The following ACAP2 variants were observed in gnomAD, a reference collection of about 807,000 sequenced individuals.
ACAP2 encodes ArfGAP with coiled-coil, ankyrin repeat and PH domains 2.
A neutral mutation model predicts 115.8 loss-of-function variants in ACAP2; 39 were observed. The ratio of observed to expected loss-of-function variants is 0.34; its 90% CI spans 0.26 to 0.44. ACAP2 has a LOEUF of 0.44. Among genes scored for constraint, ACAP2 ranks in the 20% least tolerant of loss-of-function variants. ACAP2 has a pLI of 1.00. For synonymous variants in ACAP2, 289 were observed against 315.8 expected, an observed-to-expected ratio of 0.92 and a Z score of 0.90; for missense variants, 662 against 927.6, an observed-to-expected ratio of 0.71 and a Z score of 3.72.
At chr3:195,410,704 T>C (rs1713187485) in intron 1 of ACAP2, 3 of 153,296 alleles carry the variant, frequency 2.0e-5, no homozygotes, top group African/African-American at 7.2e-5. Flanking sequence ...TACAAGATAC[T>C]ACCTGCTATG....
At chr3:195,435,460 C>A (rs1404070532) in intron 1 of ACAP2, among the ~76,000 whole-genome samples, 1 of 152,058 alleles carries the variant, frequency 6.6e-6, no homozygotes, top group African/African-American at 2.4e-5. Flanking sequence ...GCCACTGCAC[C>A]CGGCCTCTTT....
intron 1 of ACAP2, among the ~76,000 whole-genome samples, chr3:195,430,797 C>A (rs1046227732): frequency 3.8e-4 from 58 of 151,922 alleles, no homozygotes; most frequent in African/African-American, 1.4e-3. Flanking sequence ...TAAGTCAAGG[C>A]GAAAGAAATA....
At chr3:195,307,808 C>A (rs1170370721) in intron 11 of ACAP2, among the ~76,000 whole-genome samples, 2 of 152,042 alleles carry the variant, frequency 1.3e-5, no homozygotes, top group East Asian at 3.8e-4. Context: ...AATTCAAAAC[C>A]AAGTTTATCA....
chr3:195,295,023 G>C (rs1727550793), intron 17 of ACAP2, among the ~76,000 whole-genome samples: 2 of 152,138 alleles, frequency 1.3e-5, no homozygotes, highest in Non-Finnish European at 2.9e-5. Flanking sequence ...TATTTTCAGA[G>C]TTTAACACAT....
intron 13 of ACAP2, among the ~76,000 whole-genome samples, chr3:195,302,746 A>G (rs1466141721): frequency 6.6e-6 from 1 of 152,190 alleles, no homozygotes; most frequent in African/African-American, 2.4e-5. Flanking sequence ...ACTTCAAGGG[A>G]TATTAGGTAA....
intron 17 of ACAP2, chr3:195,295,228 G>A (rs962237414): frequency 2.3e-6 from 3 of 1,291,294 alleles, no homozygotes; most frequent in Non-Finnish European, 3.0e-6. Flanking sequence ...ATCAAAGTAG[G>A]AGAAGAGTGA....
At chr3:195,360,881 A>T (rs1732313425) in intron 4 of ACAP2, among the ~76,000 whole-genome samples, 1 of 151,398 alleles carries the variant, frequency 6.6e-6, no homozygotes, top group Admixed American at 6.6e-5. Flanking sequence ...ATTTAAGAAC[A>T]TTTCATTGAG....
chr3:195,428,039 T>A (rs1714814357), intron 1 of ACAP2, among the ~76,000 whole-genome samples: 1 of 151,712 alleles, frequency 6.6e-6, no homozygotes. Flanking sequence ...TCTAGAAAAG[T>A]AACATAAAAT....
At chr3:195,279,532 T>G in intron 22 of ACAP2, 104 bp from the exon 23 acceptor site, 2 of 689,136 alleles carry the variant, frequency 2.9e-6, no homozygotes, top group Non-Finnish European at 4.3e-6. Context: ...TACATTAAAA[T>G]TTTGTTCAGA....
chr3:195,424,261 G>GTATATATATATATATA (rs1277754660), intron 1 of ACAP2, among the ~76,000 whole-genome samples: 17 of 54,654 alleles, frequency 3.1e-4, no homozygotes, highest in Non-Finnish European at 4.8e-4. Flanking sequence ...GTGTGTGTGT[G>GTATATATATATATATA]TATATATATA....
intron 1 of ACAP2, among the ~76,000 whole-genome samples, chr3:195,440,764 T>A (rs1715932305): frequency 6.6e-6 from 1 of 152,140 alleles, no homozygotes; most frequent in Non-Finnish European, 1.5e-5. Flanking sequence ...CTATAAAAAA[T>A]TAAGAATATG....
At chr3:195,364,609 C>CA (rs1482824865) in intron 4 of ACAP2, among the ~76,000 whole-genome samples, 1 of 151,868 alleles carries the variant, frequency 6.6e-6, no homozygotes, top group African/African-American at 2.4e-5. Context: ...GGTTTTTATC[C>CA]AAAAAACAAG....
At chr3:195,430,287 TATTA>T (rs767519538) in intron 1 of ACAP2, among the ~76,000 whole-genome samples, 4 of 152,242 alleles carry the variant, frequency 2.6e-5, no homozygotes, top group Admixed American at 1.3e-4. Context: ...TGTTTGATGC[TATTA>T]ATTATTGTTA....
At chr3:195,436,822 A>T (rs967201999) in intron 1 of ACAP2, among the ~76,000 whole-genome samples, 1 of 152,184 alleles carries the variant, frequency 6.6e-6, no homozygotes, top group African/African-American at 2.4e-5. Context: ...TTTTTTTTAA[A>T]GGTGTTAGAA....
intron 2 of ACAP2, among the ~76,000 whole-genome samples, chr3:195,385,246 CA>C (rs112932639): frequency 2.5e-3 from 297 of 118,624 alleles, no homozygotes; most frequent in Middle Eastern, 4.4e-3. Context: ...TCTCTGTATT[CA>C]AAAAAAAAAA....
At chr3:195,420,987 T>A (rs537911054) in intron 1 of ACAP2, among the ~76,000 whole-genome samples, 6 of 152,290 alleles carry the variant, frequency 3.9e-5, no homozygotes, top group Admixed American at 1.3e-4. Flanking sequence ...AGTGATAGAA[T>A]AAGGAATAGG....
chr3:195,423,522 T>C (rs573436009), intron 1 of ACAP2, among the ~76,000 whole-genome samples: 44 of 150,652 alleles, frequency 2.9e-4, no homozygotes, highest in African/African-American at 7.1e-4. Context: ...ACTTGGGAGG[T>C]TGAGGCATGA....
rs186439970 is a variant in ACAP2 at position 195,310,044 on chromosome 3, T to C, written c.858-1207A>G. On this transcript the variant is annotated intron_variant, in intron 10 of 22. Coordinates refer to ENST00000326793, the MANE Select transcript of ACAP2 (RefSeq NM_012287.6). ...TTAGTTTCATGTGAGATGATTTCTATTGTAACATTAGTTATTAATCAATTA... is the reference window on the plus strand; with the variant it reads ...TTAGTTTCATGTGAGATGATTTCTACTGTAACATTAGTTATTAATCAATTA... Among the ~76,000 whole-genome samples, 31 of 152,358 alleles carry C rather than the reference T, an allele frequency of 2.0e-4. 1 individual carries two copies. The highest frequency in any genetic ancestry group is 6.8e-3 in the Middle Eastern group (2 of 294).
intron 1 of ACAP2, among the ~76,000 whole-genome samples, chr3:195,431,776 C>T (rs760286580): frequency 6.6e-6 from 1 of 151,948 alleles, no homozygotes; most frequent in African/African-American, 2.4e-5. Flanking sequence ...CTTAGGAACT[C>T]CCAAACTCTT....
Sources: gnomAD v4.1 joint callset for allele counts (sites outside exome capture counted in the v4.1 genomes callset) on GRCh38, gnomAD v4.1.1 for gene constraint, MANE v1.5 for transcripts, NCBI Gene and HGNC (gene_info 2026-07-23, HGNC 2026-07-21) for gene names.